PLEKHA7: variants seen among roughly 807,000 people sequenced by gnomAD.
The protein encoded by PLEKHA7 is pleckstrin homology domain containing A7.
PLEKHA7 carries 104 observed loss-of-function variants against 170.0 expected under a neutral mutation model. The observed-to-expected ratio is 0.61, with a 90% confidence interval of 0.52 to 0.72. The LOEUF is 0.72. Among genes scored for constraint, PLEKHA7 ranks in the 30% least tolerant of loss-of-function variants. The probability of loss-of-function intolerance (pLI) is 0.00; values close to 1 mark genes in which losing one functional copy is unlikely to be tolerated. For missense variants in PLEKHA7, 1,615 were observed against 1,671.7 expected, an observed-to-expected ratio of 0.97 and a Z score of 0.59; for synonymous variants, 648 against 660.8, an observed-to-expected ratio of 0.98 and a Z score of 0.30.
At chr11:16,970,732 T>C (rs1270549311) in intron 3 of PLEKHA7, among the ~76,000 whole-genome samples, 2 of 151,904 alleles carry the variant, frequency 1.3e-5, no homozygotes, top group Non-Finnish European at 2.9e-5. Context: ...AGAAGAACAA[T>C]TAACGAGGAA....
intron 3 of PLEKHA7, among the ~76,000 whole-genome samples, chr11:16,991,094 G>C (rs1448531397): frequency 6.6e-6 from 1 of 152,126 alleles, no homozygotes; most frequent in Non-Finnish European, 1.5e-5. Flanking sequence ...CCAAACTGGA[G>C]AGGAATCTTT....
At chr11:16,779,955 T>C (rs1035232826) in intron 26 of PLEKHA7, among the ~76,000 whole-genome samples, 1 of 137,586 alleles carries the variant, frequency 7.3e-6, no homozygotes, top group African/African-American at 2.8e-5. Context: ...CTCTGAGCTT[T>C]TGTTTTTTCA....
In PLEKHA7 at chr11:16,879,907, ACTGT is replaced by A. The variant is rs140346281; in HGVS notation, c.222-8729_222-8726del. Among the ~76,000 whole-genome samples the A allele has an allele frequency of 2.8e-3, 426 of 152,316 alleles. 3 individuals are homozygous for A. Among genetic ancestry groups the A allele is most frequent in the African/African-American group, 9.8e-3 (408 of 41,558 alleles). On this transcript the variant is annotated intron_variant, in intron 3 of 26. Transcript: ENST00000531066. ...CTGACTGAGTCACCAACACCGCAAG[ACTGT>A]CTGGCCCCTGAGTTCCCACATGGAG...
intron 13 of PLEKHA7, among the ~76,000 whole-genome samples, chr11:16,808,979 G>A (rs1297304122): frequency 2.0e-5 from 3 of 152,128 alleles, no homozygotes; most frequent in Non-Finnish European, 4.4e-5. Context: ...TGGGTTCCTG[G>A]TTATAAAAAA....
chr11:16,858,830 A>G (rs554757770), intron 4 of PLEKHA7, among the ~76,000 whole-genome samples: 1 of 152,282 alleles, frequency 6.6e-6, no homozygotes, highest in South Asian at 2.1e-4. Context: ...AGTGCAGTAT[A>G]AAGCACCTTA....
chr11:16,852,005 A>C (rs898304450), intron 7 of PLEKHA7, among the ~76,000 whole-genome samples: 3 of 152,262 alleles, frequency 2.0e-5, no homozygotes, highest in African/African-American at 4.8e-5. Context: ...CTCATCCAAC[A>C]TTCAATAAAT....
chr11:16,953,145 T>C (rs1351710272), intron 3 of PLEKHA7, among the ~76,000 whole-genome samples: 1 of 152,294 alleles, frequency 6.6e-6, no homozygotes, highest in Non-Finnish European at 1.5e-5. Context: ...AGTTGCCAGA[T>C]GCACAGGAAG....
At chr11:16,884,226 G>C (rs575445810) in intron 3 of PLEKHA7, among the ~76,000 whole-genome samples, 1 of 152,212 alleles carries the variant, frequency 6.6e-6, no homozygotes, top group South Asian at 2.1e-4. Context: ...ATATGCATCA[G>C]AGACTTCAAA....
At chr11:16,989,054 T>C (rs1159059711) in intron 3 of PLEKHA7, among the ~76,000 whole-genome samples, 2 of 152,206 alleles carry the variant, frequency 1.3e-5, no homozygotes, top group African/African-American at 4.8e-5. Flanking sequence ...GGGTGACCCA[T>C]GAATGCGCCC....
chr11:16,890,775 C>A lies in PLEKHA7; in HGVS notation c.222-19593G>T, dbSNP rs188909025. On this transcript the variant is annotated intron_variant, in intron 3 of 26. Coordinates refer to ENST00000531066, the MANE Select transcript of PLEKHA7 (RefSeq NM_001329630.2). ...CGAAAACAAGGATTAAGAAAAAAAT[C>A]ATACATTGTTTTAAAATTAATGTCC... Among the ~76,000 whole-genome samples, 350 of 152,262 alleles carry A rather than the reference C, an allele frequency of 2.3e-3. 2 individuals carry two copies. The highest frequency in any genetic ancestry group is 3.9e-3 in the Non-Finnish European group (262 of 68,016).
intron 8 of PLEKHA7, chr11:16,842,705 G>C (rs187469361): frequency 6.6e-6 from 1 of 151,664 alleles, no homozygotes; most frequent in Non-Finnish European, 1.5e-5. Context: ...CTTGTGCTCT[G>C]ATAAACCAGA....
At chr11:17,000,261 T>G (rs1258656691) in intron 3 of PLEKHA7, among the ~76,000 whole-genome samples, 1 of 152,022 alleles carries the variant, frequency 6.6e-6, no homozygotes, top group Non-Finnish European at 1.5e-5. Flanking sequence ...ATTTTTTTTG[T>G]TTTTGTATTT....
At chr11:16,946,711 C>T (rs1861051723) in intron 3 of PLEKHA7, among the ~76,000 whole-genome samples, 1 of 152,064 alleles carries the variant, frequency 6.6e-6, no homozygotes, top group South Asian at 2.1e-4. Context: ...CATAAAAGTA[C>T]TCATTACTGA....
intron 9 of PLEKHA7, 89 bp downstream of exon 9, chr11:16,841,458 A>G (rs1851950125): frequency 2.8e-6 from 4 of 1,408,220 alleles, no homozygotes; most frequent in Non-Finnish European, 3.9e-6. Context: ...CAAGTGAGTA[A>G]ATGGAATCTC....
intron 3 of PLEKHA7, among the ~76,000 whole-genome samples, chr11:16,959,634 G>A (rs552724876): frequency 1.3e-5 from 2 of 152,284 alleles, no homozygotes; most frequent in South Asian, 4.2e-4. Context: ...TAACAGATGA[G>A]AATAATGAAC....
At chr11:17,010,877 AGG>A (rs765712470) in intron 3 of PLEKHA7, among the ~76,000 whole-genome samples, 69 of 152,352 alleles carry the variant, frequency 4.5e-4, no homozygotes, top group Non-Finnish European at 7.6e-4. Context: ...GCGGGGGATG[AGG>A]GAGAGAACAA....
intron 3 of PLEKHA7, among the ~76,000 whole-genome samples, chr11:16,954,967 G>T (rs1861617672): frequency 6.6e-6 from 1 of 152,154 alleles, no homozygotes; most frequent in Admixed American, 6.5e-5. Flanking sequence ...TGGGATTACA[G>T]GCATGAGCCA....
intron 4 of PLEKHA7, among the ~76,000 whole-genome samples, chr11:16,867,378 T>C (rs1854478495): frequency 1.3e-5 from 2 of 152,076 alleles, no homozygotes; most frequent in Non-Finnish European, 2.9e-5. Context: ...TACAAGAAAC[T>C]GGGGAGTGGA....
rs1849596734 is a variant in PLEKHA7, at chr11:16,789,007, T to G, written c.3357+89A>C. The G allele has an allele frequency of 6.9e-7, 1 of 1,452,476 alleles. No homozygotes were observed. The highest frequency in any genetic ancestry group is 1.4e-5 in the African/African-American group (1 of 71,740). 90.0% of individuals were successfully genotyped at this position (1,452,476 alleles called of 1,614,324 possible). ...GTAGGTCAATGGACAGCTCTCTCAC[T>G]GGGAGGTGTGATGTGCTTGTGTTTG... On this transcript the variant is annotated intron_variant, in intron 23 of 26. Transcript: ENST00000531066. The surrounding 1 kb of genome is among the most constrained non-coding windows in gnomAD (Gnocchi z 4.6).
Sources: gnomAD v4.1 joint callset for allele counts (sites outside exome capture counted in the v4.1 genomes callset) on GRCh38, gnomAD v4.1.1 for gene constraint, Gnocchi (gnomAD v3.1) non-coding constraint, MANE v1.5 for transcripts, NCBI Gene and HGNC (gene_info 2026-07-23, HGNC 2026-07-21) for gene names.